Variants in SLC6A11 observed in about 807,000 individuals in gnomAD.
The protein encoded by SLC6A11 is sodium- and chloride-dependent GABA transporter 3.
A neutral mutation model predicts 74.8 loss-of-function variants in SLC6A11; 25 were observed. That is an observed-to-expected ratio of 0.33 (90% CI 0.24 to 0.47). The LOEUF (loss-of-function observed/expected upper bound fraction) is 0.47. Among genes scored for constraint, SLC6A11 ranks in the 20% least tolerant of loss-of-function variants. SLC6A11 has a pLI of 1.00. For synonymous variants in SLC6A11, 330 were observed against 330.2 expected (o/e 1.00, Z 0.01); for missense variants, 574 against 837.0 (o/e 0.69, Z 3.88).
Position 10,918,279 on chromosome 3 carries a change from C to T in SLC6A11, c.996-50C>T, listed in dbSNP as rs766791493. ...TCGGGTGGAGAACGTTTGAGCCGTGCACCGGTTCTGCCCGCTCTGACCCTA... is the reference window on the plus strand; with the variant it reads ...TCGGGTGGAGAACGTTTGAGCCGTGTACCGGTTCTGCCCGCTCTGACCCTA... On this transcript the variant is annotated intron_variant, in intron 7 of 13. Transcript: ENST00000254488. The surrounding 1 kb of genome is among the most constrained non-coding windows in gnomAD (Gnocchi z 4.5). 1 of 1,509,410 alleles carries T rather than the reference C, an allele frequency of 6.6e-7. No individual in the cohort carries two copies. Among genetic ancestry groups the T allele is most frequent in the Admixed American group, 2.3e-5 (1 of 43,124 alleles). The allele number at this position is 1,509,410 out of a possible 1,614,324, so 93.5% of individuals were successfully genotyped here.
At chr3:10,869,195 A>G (rs1694800389) in intron 5 of SLC6A11, among the ~76,000 whole-genome samples, 2 of 152,218 alleles carry the variant, frequency 1.3e-5, no homozygotes, top group Non-Finnish European at 2.9e-5. Flanking sequence ...CAAGGCAAGA[A>G]AATTGCTGAT....
intron 6 of SLC6A11, among the ~76,000 whole-genome samples, chr3:10,893,729 T>C (rs1319864997): frequency 6.6e-6 from 1 of 152,200 alleles, no homozygotes; most frequent in Non-Finnish European, 1.5e-5. Flanking sequence ...GGGTTGGTTC[T>C]ACCTGCACAT....
intron 6 of SLC6A11, 26 bp from the exon 7 acceptor site, chr3:10,912,064 G>A (rs1281125544): frequency 2.7e-6 from 4 of 1,499,444 alleles, no homozygotes; most frequent in East Asian, 4.5e-5. Context: ...TTCTGTTTAT[G>A]CCAACATCTT....
chr3:10,928,510 G>A (rs571662552), intron 9 of SLC6A11, among the ~76,000 whole-genome samples: 2 of 152,250 alleles, frequency 1.3e-5, no homozygotes, highest in South Asian at 2.1e-4. Flanking sequence ...TTAATGGGTG[G>A]GTAGGAACTG....
At chr3:10,933,367 C>A in intron 11 of SLC6A11, 114 bp downstream of exon 11, 1 of 723,048 alleles carries the variant, frequency 1.4e-6, no homozygotes, top group Non-Finnish European at 2.5e-6. Context: ...TCTATACTGG[C>A]CTCTTCTTAC....
At position 10,885,278 on chromosome 3, in the gene SLC6A11, T is replaced by G. The variant is rs542723269; in HGVS notation, c.891+10183T>G. On this transcript the variant is annotated intron_variant, in intron 6 of 13. Coordinates refer to ENST00000254488, the MANE Select transcript of SLC6A11 (RefSeq NM_014229.3). Reference sequence around the variant, plus strand: ...ACCTTAACCTTGTGTAGGCTCAACTTTGTTTTCTTAGTGCAGGTCTGTAGA... The same window carrying G: ...ACCTTAACCTTGTGTAGGCTCAACTGTGTTTTCTTAGTGCAGGTCTGTAGA... Among the ~76,000 whole-genome samples the G allele has an allele frequency of 1.6e-4, 24 of 152,306 alleles. 1 individual carries two copies. In the South Asian group the frequency reaches 4.8e-3, roughly 30 times the overall value.
chr3:10,869,389 C>T (rs1317378976), intron 5 of SLC6A11, among the ~76,000 whole-genome samples: 6 of 152,212 alleles, frequency 3.9e-5, no homozygotes, highest in African/African-American at 1.2e-4. Context: ...CTCTGAGCCT[C>T]GTCTTCCAGA....
At position 10,918,390 on chromosome 3, in the gene SLC6A11, T is replaced by C; in HGVS notation, c.1057T>C (p.Phe353Leu). ...GTSFVAGFAI[F>L]SVLGFMAYEQ... ...CAGCTTCGTGGCTGGGTTTGCCATC[T>C]TCTCAGTCCTGGGTTTTATGGCGTA... Residue 353 changes from phenylalanine (F) to leucine (L), a missense_variant, in exon 8 of 14, where the codon TTC becomes CTC. This residue lies in a region of SLC6A11 where 16 missense variants were observed against 50.1 expected (regional missense o/e 0.32). Transcript: ENST00000254488. The surrounding 1 kb of genome is among the most constrained non-coding windows in gnomAD (Gnocchi z 4.5). The C allele has an allele frequency of 6.2e-7, 1 of 1,609,312 alleles. No homozygotes were observed. The highest frequency in any genetic ancestry group is 8.5e-7 in the Non-Finnish European group (1 of 1,178,214).
intron 5 of SLC6A11, 144 bp downstream of exon 5, chr3:10,844,490 T>G: frequency 3.1e-5 from 29 of 944,718 alleles, no homozygotes; most frequent in East Asian, 5.2e-5. Context: ...GAGTGAGCTC[T>G]ACCCACCCTC....
intron 5 of SLC6A11, among the ~76,000 whole-genome samples, chr3:10,858,935 C>T (rs1694669926): frequency 6.6e-6 from 1 of 152,134 alleles, no homozygotes; most frequent in South Asian, 2.1e-4. Flanking sequence ...GGAACAAGTT[C>T]TTTATGCCCA....
intron 9 of SLC6A11, among the ~76,000 whole-genome samples, chr3:10,928,200 G>A (rs1213201429): frequency 6.6e-6 from 1 of 152,108 alleles, no homozygotes; most frequent in African/African-American, 2.4e-5. Context: ...TATTAATTTA[G>A]CAAACATTTC....
chr3:10,895,620 A>G (rs1160971824), intron 6 of SLC6A11, among the ~76,000 whole-genome samples: 1 of 152,224 alleles, frequency 6.6e-6, no homozygotes, highest in Non-Finnish European at 1.5e-5. Flanking sequence ...GAGGGAGAGC[A>G]TCAGGATAAA....
intron 1 of SLC6A11, among the ~76,000 whole-genome samples, chr3:10,818,775 T>C (rs976464308): frequency 2.0e-5 from 3 of 152,148 alleles, no homozygotes; most frequent in Non-Finnish European, 4.4e-5. Flanking sequence ...TTATTTAATT[T>C]TTTTCACAGA....
intron 5 of SLC6A11, among the ~76,000 whole-genome samples, chr3:10,854,126 G>T (rs538327219): frequency 1.3e-5 from 2 of 152,196 alleles, no homozygotes; most frequent in Non-Finnish European, 2.9e-5. Flanking sequence ...TCTTGCTCAC[G>T]TCTGTAATCC....
chr3:10,900,058 G>A (rs1695221821), intron 6 of SLC6A11, among the ~76,000 whole-genome samples: 1 of 152,144 alleles, frequency 6.6e-6, no homozygotes, highest in Non-Finnish European at 1.5e-5. Flanking sequence ...GTCTGCCCTG[G>A]GCAGAAATGG....
At chr3:10,930,359 A>C (rs1390581709) in intron 10 of SLC6A11, among the ~76,000 whole-genome samples, 1 of 152,224 alleles carries the variant, frequency 6.6e-6, no homozygotes, top group African/African-American at 2.4e-5. Context: ...CCGTGAGAAC[A>C]GGAGCCAGCC....
At chr3:10,865,537 C>T (rs905656911) in intron 5 of SLC6A11, among the ~76,000 whole-genome samples, 2 of 152,194 alleles carry the variant, frequency 1.3e-5, no homozygotes, top group African/African-American at 4.8e-5. Flanking sequence ...GTAGCATGCA[C>T]CTGTAGTCCC....
At position 10,873,991 on chromosome 3, in the gene SLC6A11, C is replaced by CGCTACGCTACGCTACGCTACGCTAT. The variant is rs1553671319; in HGVS notation, c.757-966_757-965insCGCTACGCTACGCTACGCTATGCTA. Among the ~76,000 whole-genome samples the CGCTACGCTACGCTACGCTACGCTAT allele has an allele frequency of 6.6e-5, 9 of 136,472 alleles. No homozygotes were observed. The East Asian group carries it at 2.1e-3, about 32-fold the overall frequency. 89.5% of individuals were successfully genotyped at this position (136,472 alleles called of 152,430 possible). A position where few individuals can be genotyped will look rare whatever the true frequency, so the allele number is the denominator to read the frequency against. On this transcript the variant is annotated intron_variant, in intron 5 of 13. Transcript: ENST00000254488. ...TGCTATGCTACGCTACGCTACGCTA[C>CGCTACGCTACGCTACGCTACGCTAT]GCTATGCTATGCTATGCTATGCTAT...
chr3:10,902,465 T>C (rs1695252173), intron 6 of SLC6A11, among the ~76,000 whole-genome samples: 1 of 152,216 alleles, frequency 6.6e-6, no homozygotes, highest in East Asian at 1.9e-4. Context: ...GGGTGCTTGT[T>C]TGCATAGTAT....
Sources: allele counts gnomAD v4.1 joint callset (sites outside exome capture counted in the v4.1 genomes callset), GRCh38; gene constraint gnomAD v4.1.1; regional missense constraint gnomAD v4.1.1; non-coding constraint Gnocchi (gnomAD v3.1); transcripts MANE v1.5; gene names NCBI Gene and HGNC (gene_info 2026-07-23, HGNC 2026-07-21).